Variants in CCDC186 observed in about 807,000 individuals in gnomAD.
The protein encoded by CCDC186 is coiled-coil domain-containing protein 186.
A neutral mutation model predicts 113.7 loss-of-function variants in CCDC186; 49 were observed. The observed-to-expected ratio is 0.43, with a 90% confidence interval of 0.34 to 0.55. The LOEUF (loss-of-function observed/expected upper bound fraction) is 0.55. Among genes scored for constraint, CCDC186 ranks in the 20% least tolerant of loss-of-function variants. The pLI, the probability that CCDC186 is intolerant of heterozygous loss-of-function variation, is 0.02. For missense variants in CCDC186, 890 were observed against 1,011.1 expected, an observed-to-expected ratio of 0.88 and a Z score of 1.62; for synonymous variants, 355 against 345.8, an observed-to-expected ratio of 1.03 and a Z score of -0.30.
In CCDC186 at chr10:114,162,681, CTT is replaced by C; in HGVS notation, c.586_587del (p.Lys196ValfsTer5). On this transcript the variant is annotated frameshift_variant, in exon 2 of 16. Transcript: ENST00000369287. LOFTEE classifies it high-confidence loss of function. Reference protein sequence around the residue: ...KGEHALVLFEKCVQDKYLQQE... With the variant: ...KGEHALVLFEXCVQDKYLQQE... ...GCTGCAAATATTTATCTTGCACACA[CTT>C]TTCAAACAGAACTAATGCATGTTCT... 1 of 1,603,810 alleles carries C rather than the reference CTT, an allele frequency of 6.2e-7. No homozygotes were observed. The highest frequency in any genetic ancestry group is 8.5e-7 in the Non-Finnish European group (1 of 1,177,198).
intron 3 of CCDC186, among the ~76,000 whole-genome samples, chr10:114,152,430 C>G (rs533994962): frequency 6.6e-6 from 1 of 151,920 alleles, no homozygotes; most frequent in African/African-American, 2.4e-5. Flanking sequence ...GAGTTCAGTG[C>G]TATTGACAAT....
intron 2 of CCDC186, 39 bp from the exon 3 acceptor site, chr10:114,157,719 A>C: frequency 6.8e-7 from 1 of 1,460,754 alleles, no homozygotes; most frequent in African/African-American, 1.4e-5. Flanking sequence ...AACATAATTT[A>C]AAATGGAGAT....
intron 10 of CCDC186, among the ~76,000 whole-genome samples, chr10:114,134,194 T>C (rs2031184906): frequency 6.6e-6 from 1 of 152,190 alleles, no homozygotes; most frequent in Non-Finnish European, 1.5e-5. Context: ...CCATTTTTTC[T>C]GTGAAGAAGT....
At chr10:114,152,339 A>G (rs997923995) in intron 3 of CCDC186, among the ~76,000 whole-genome samples, 2 of 143,098 alleles carry the variant, frequency 1.4e-5, no homozygotes, top group Non-Finnish European at 3.1e-5. Flanking sequence ...CCTGTCTCTG[A>G]AAAAAAAAAA....
At chr10:114,135,107 A>G (rs560502779) in intron 9 of CCDC186, 52 bp from the exon 10 acceptor site, 2 of 1,529,946 alleles carry the variant, frequency 1.3e-6, no homozygotes, top group South Asian at 2.5e-5. Context: ...GTTCTTTATA[A>G]ACTATTTTGT....
At chr10:114,169,827 A>G (rs1403110686) in intron 1 of CCDC186, among the ~76,000 whole-genome samples, 3 of 152,094 alleles carry the variant, frequency 2.0e-5, no homozygotes, top group Non-Finnish European at 4.4e-5. Flanking sequence ...CCTGCTCACA[A>G]CCCCCAAATA....
At chr10:114,153,698 A>C (rs150541802) in intron 3 of CCDC186, among the ~76,000 whole-genome samples, 2,254 of 151,642 alleles carry the variant, frequency 0.015, 67 homozygotes, top group African/African-American at 0.051. Flanking sequence ...AGGCAGGAGA[A>C]TCGCTTGAAC....
chr10:114,152,533 A>G (rs1267565536), intron 3 of CCDC186, among the ~76,000 whole-genome samples: 1 of 152,044 alleles, frequency 6.6e-6, no homozygotes, highest in Non-Finnish European at 1.5e-5. Context: ...AGAAATTTAA[A>G]TGTTATATTG....
chr10:114,162,274 T>C (rs1184720627), intron 2 of CCDC186: 1 of 160,600 alleles, frequency 6.2e-6, no homozygotes, highest in Non-Finnish European at 1.4e-5. Context: ...AACCAATGAA[T>C]TTAGAATGCA....
intron 4 of CCDC186, among the ~76,000 whole-genome samples, chr10:114,149,115 C>T (rs1327539410): frequency 6.6e-6 from 1 of 152,134 alleles, no homozygotes; most frequent in Admixed American, 6.6e-5. Context: ...GATCAGTCTT[C>T]CAAAATCTAC....
In CCDC186 at chr10:114,125,267, A is replaced by G. The variant is rs768587348; in HGVS notation, c.2614-41T>C. ...TGAGGGGAAAGGGAAGAGAAAAACA[A>G]AAGTATAATAAATAAAACAATTCAG... is the stretch of plus-strand genomic sequence containing the variant. On this transcript the variant is annotated intron_variant, in intron 15 of 15. Transcript: ENST00000369287. 165 of 1,393,610 alleles carry G rather than the reference A, an allele frequency of 1.2e-4. 1 individual carries two copies. Among genetic ancestry groups the G allele is most frequent in the Non-Finnish European group, 3.2e-5 (32 of 998,926 alleles). The allele number at this position is 1,393,610 out of a possible 1,614,324, so 86.3% of individuals were successfully genotyped here. A position where few individuals can be genotyped will look rare whatever the true frequency, so the allele number is the denominator to read the frequency against.
chr10:114,136,262 CA>C lies in CCDC186; in HGVS notation c.1327-17del. On this transcript the variant is annotated splice_polypyrimidine_tract_variant and intron_variant, in intron 7 of 15. Transcript: ENST00000369287. ...CTTCTGACTCCTAGTGGAAAGAAAA[CA>C]AAAAAAGTGTGACAATTTTTAACCC... 7 of 1,583,718 alleles carry C rather than the reference CA, an allele frequency of 4.4e-6. No homozygotes were observed. Among genetic ancestry groups the C allele is most frequent in the Non-Finnish European group, 4.3e-6 (5 of 1,160,654 alleles).
In CCDC186 at chr10:114,151,234, T is replaced by A; in HGVS notation, c.760-14A>T. The A allele has an allele frequency of 6.7e-7, 1 of 1,482,054 alleles. No homozygotes were observed. The highest frequency in any genetic ancestry group is 9.3e-7 in the Non-Finnish European group (1 of 1,071,324). 91.8% of individuals were successfully genotyped at this position (1,482,054 alleles called of 1,614,324 possible). ...TCTTGATTCTAACTGTAAAGAAAATTATTTCCAAATTATTTTTATAGCTAT... is the reference window on the plus strand; with the variant it reads ...TCTTGATTCTAACTGTAAAGAAAATAATTTCCAAATTATTTTTATAGCTAT... On this transcript the variant is annotated splice_polypyrimidine_tract_variant and intron_variant, in intron 3 of 15. Transcript: ENST00000369287.
At chr10:114,171,094 T>A (rs1489956273) in intron 1 of CCDC186, among the ~76,000 whole-genome samples, 1 of 152,168 alleles carries the variant, frequency 6.6e-6, no homozygotes, top group Non-Finnish European at 1.5e-5. Context: ...TTCCTACTAA[T>A]ACAGAAATCT....
At chr10:114,129,837 C>T in intron 13 of CCDC186, 54 bp downstream of exon 13, 3 of 1,545,326 alleles carry the variant, frequency 1.9e-6, no homozygotes, top group Non-Finnish European at 2.7e-6. Flanking sequence ...GCCAAAAATG[C>T]TATTTATTTT....
intron 1 of CCDC186, among the ~76,000 whole-genome samples, chr10:114,170,167 A>C (rs187693384): frequency 6.6e-5 from 10 of 152,320 alleles, no homozygotes; most frequent in Admixed American, 2.6e-4. Flanking sequence ...CCTGACACTT[A>C]AGTTTCATAC....
At chr10:114,130,113 A>C (rs606682) in intron 12 of CCDC186, 142 bp from the exon 13 acceptor site, 1 of 586,518 alleles carries the variant, frequency 1.7e-6, no homozygotes, top group East Asian at 3.2e-5. Context: ...GCAGAGGGCT[A>C]TGTCATTCAT....
chr10:114,164,264 G>A (rs796245470), intron 1 of CCDC186, among the ~76,000 whole-genome samples: 39 of 151,082 alleles, frequency 2.6e-4, no homozygotes, highest in African/African-American at 9.5e-4. Flanking sequence ...GAGACTACAG[G>A]TGCCCATCAC....
chr10:114,152,799 T>C (rs2031893791), intron 3 of CCDC186, among the ~76,000 whole-genome samples: 1 of 152,074 alleles, frequency 6.6e-6, no homozygotes, highest in African/African-American at 2.4e-5. Context: ...TGGAAAAAAA[T>C]ATATAATGCA....
Sources: gnomAD v4.1 joint callset for allele counts (sites outside exome capture counted in the v4.1 genomes callset) on GRCh38, gnomAD v4.1.1 for gene constraint, MANE v1.5 for transcripts, NCBI Gene and HGNC (gene_info 2026-07-23, HGNC 2026-07-21) for gene names.